OTUD7B: variants seen among roughly 807,000 people sequenced by gnomAD.
OTUD7B encodes the protein OTU deubiquitinase 7B, also known as OTU domain-containing protein 7B.
In OTUD7B, 34 loss-of-function variants were observed where a neutral mutation model predicts 82.2. The observed-to-expected ratio is 0.41, with a 90% CI of 0.31 to 0.55. The LOEUF (loss-of-function observed/expected upper bound fraction) is 0.55, where lower values mean the gene tolerates loss of function less well. Among genes scored for constraint, OTUD7B ranks in the 20% least tolerant of loss-of-function variants. OTUD7B has a pLI of 0.20. For synonymous variants in OTUD7B, 398 were observed against 402.7 expected (o/e 0.99, Z 0.14); for missense variants, 944 against 1,062.1 (o/e 0.89, Z 1.55).
chr1:149,980,490 G>A (rs1257114056), intron 1 of OTUD7B, among the ~76,000 whole-genome samples: 1 of 151,916 alleles, frequency 6.6e-6, no homozygotes, highest in African/African-American at 2.4e-5. Flanking sequence ...GGAGGCCGAG[G>A]AGGGTGGATC....
chr1:149,990,106 CT>C (rs1227586404), intron 1 of OTUD7B, among the ~76,000 whole-genome samples: 2 of 152,216 alleles, frequency 1.3e-5, no homozygotes, highest in African/African-American at 4.8e-5. Flanking sequence ...ATATCCCAGT[CT>C]TACCTTCAAG....
At chr1:150,006,191 C>T (rs1652652844) in intron 1 of OTUD7B, among the ~76,000 whole-genome samples, 1 of 152,196 alleles carries the variant, frequency 6.6e-6, no homozygotes, top group South Asian at 2.1e-4. Context: ...GGCACACTGG[C>T]TCACGCCTGT....
chr1:150,031,493 C>T, the OTUD7B span, among the ~76,000 whole-genome samples: 3 of 152,142 alleles, frequency 2.0e-5, no homozygotes, highest in South Asian at 2.1e-4. Context: ...CATGCCTAGG[C>T]AATAAATGTG....
chr1:150,000,776 C>A (rs1337681149), intron 1 of OTUD7B, among the ~76,000 whole-genome samples: 3 of 151,972 alleles, frequency 2.0e-5, no homozygotes, highest in African/African-American at 7.3e-5. Context: ...GTCAGGAGTT[C>A]AAGACCAGCC....
chr1:149,946,385 G>A (rs1313577900), intron 11 of OTUD7B, among the ~76,000 whole-genome samples: 1 of 152,030 alleles, frequency 6.6e-6, no homozygotes, highest in Admixed American at 6.6e-5. Flanking sequence ...ATATGTTTTA[G>A]TATCAGATAA....
chr1:150,007,538 A>G (rs180737178), intron 1 of OTUD7B, among the ~76,000 whole-genome samples: 15 of 152,290 alleles, frequency 9.8e-5, no homozygotes, highest in Non-Finnish European at 2.1e-4. Flanking sequence ...CCATATTTAT[A>G]CACCACCTTT....
intron 1 of OTUD7B, among the ~76,000 whole-genome samples, chr1:149,977,839 T>C (rs1428796183): frequency 1.3e-5 from 2 of 152,218 alleles, no homozygotes; most frequent in Non-Finnish European, 2.9e-5. Flanking sequence ...AGTACTGCTT[T>C]TCTACCATGA....
intron 1 of OTUD7B, among the ~76,000 whole-genome samples, chr1:149,992,142 T>C (rs1651609919): frequency 6.6e-6 from 1 of 152,076 alleles, no homozygotes; most frequent in Admixed American, 6.5e-5. Context: ...GGAGAACCAC[T>C]TGAACCCGGG....
Position 149,997,174 on chromosome 1 carries a change from A to G in OTUD7B, c.-67+13274T>C, listed in dbSNP as rs1179110884. Among the ~76,000 whole-genome samples, 5 of 152,198 alleles carry G rather than the reference A, an allele frequency of 3.3e-5. No homozygotes were observed. The South Asian group carries it at 8.3e-4, about 25-fold the overall frequency. Reference sequence around the variant, plus strand: ...CAGAAAATTGTATTTTCAATCCTCAAGTATCTGTTATCACATAGATAAAAG... The same window carrying G: ...CAGAAAATTGTATTTTCAATCCTCAGGTATCTGTTATCACATAGATAAAAG... On this transcript the variant is annotated intron_variant, in intron 1 of 11. Transcript: ENST00000581312.
the OTUD7B span, among the ~76,000 whole-genome samples, chr1:150,044,428 G>A: frequency 4.6e-5 from 7 of 151,746 alleles, no homozygotes; most frequent in Non-Finnish European, 7.4e-5. Context: ...GGCTGGTCTC[G>A]AACTCCTGAC....
chr1:150,020,544 A>G, the OTUD7B span, among the ~76,000 whole-genome samples: 1 of 146,174 alleles, frequency 6.8e-6, no homozygotes, highest in Non-Finnish European at 1.5e-5. Flanking sequence ...CTCAAAAAAC[A>G]AACAAACAAA....
rs1416962870 is a variant in OTUD7B at position 149,975,676 on chromosome 1, G to A, written c.85+1750C>T. Among the ~76,000 whole-genome samples the A allele has an allele frequency of 2.6e-5, 4 of 152,284 alleles. No individual in the cohort carries two copies. The East Asian group carries it at 5.8e-4, about 22-fold the overall frequency. ...TAACCTAACATGATCACCAAGAGGT[G>A]ACAAGTCAGGCCTGGCTGCATAGGA... On this transcript the variant is annotated intron_variant, in intron 2 of 11. Coordinates refer to ENST00000581312, the MANE Select transcript of OTUD7B (RefSeq NM_020205.4).
rs1317895656 is a variant in OTUD7B at position 149,967,607 on chromosome 1, A to G, written c.275-86T>C. 1.2e-5 allele frequency: 12 copies of G among 1,005,002 alleles called. No individual in the cohort carries two copies. In the Middle Eastern group the frequency reaches 8.7e-4, roughly 73 times the overall value. 62.3% of individuals were successfully genotyped at this position (1,005,002 alleles called of 1,614,324 possible). ...GATGTGGTGATAGTTACCTCTCAAC[A>G]GGGTTTACAGTCAGAGAAAAACTAA... On this transcript the variant is annotated intron_variant, in intron 3 of 11. Coordinates refer to ENST00000581312, the MANE Select transcript of OTUD7B (RefSeq NM_020205.4).
chr1:149,982,009 C>A (rs1285550914), intron 1 of OTUD7B, among the ~76,000 whole-genome samples: 1 of 151,962 alleles, frequency 6.6e-6, no homozygotes, highest in African/African-American at 2.4e-5. Flanking sequence ...ATTAGCCGGG[C>A]GTGGTGGCGG....
intron 6 of OTUD7B, chr1:149,962,803 C>CAGTGAAGAGTTG (rs1553775830): frequency 3.1e-4 from 47 of 152,302 alleles, no homozygotes; most frequent in Admixed American, 5.9e-4. Context: ...CTGAACTCAA[C>CAGTGAAGAGTTG]AGTGAAGAGG....
intron 1 of OTUD7B, among the ~76,000 whole-genome samples, chr1:150,002,793 C>T (rs1249661202): frequency 6.6e-6 from 1 of 152,132 alleles, no homozygotes; most frequent in Admixed American, 6.5e-5. Context: ...TTGTCTGATT[C>T]CATGAATCTG....
At chr1:150,017,211 ACTC>A in the OTUD7B span, among the ~76,000 whole-genome samples, 2 of 152,306 alleles carry the variant, frequency 1.3e-5, no homozygotes, top group African/African-American at 4.8e-5. Flanking sequence ...CATTAGGAGA[ACTC>A]CTAAGAAGAA....
At chr1:149,955,862 CTTTT>C (rs1330071768) in intron 7 of OTUD7B, among the ~76,000 whole-genome samples, 2 of 151,852 alleles carry the variant, frequency 1.3e-5, no homozygotes, top group Non-Finnish European at 2.9e-5. Context: ...GCAACCCCTG[CTTTT>C]TTTTGTTTTC....
intron 1 of OTUD7B, among the ~76,000 whole-genome samples, chr1:150,008,865 T>C (rs1475424867): frequency 2.0e-5 from 3 of 152,318 alleles, no homozygotes; most frequent in South Asian, 2.1e-4. Flanking sequence ...TTTGCATTGA[T>C]TTGCAATCTC....
Sources: gnomAD v4.1 joint callset for allele counts (sites outside exome capture counted in the v4.1 genomes callset) on GRCh38, gnomAD v4.1.1 for gene constraint, MANE v1.5 for transcripts, NCBI Gene and HGNC (gene_info 2026-07-23, HGNC 2026-07-21) for gene names.